Variants in ADAMTS18 observed in about 807,000 individuals in gnomAD.
The protein encoded by ADAMTS18 is ADAM metallopeptidase with thrombospondin type 1 motif 18.
ADAMTS18 carries 157 observed loss-of-function variants against 165.9 expected under a neutral mutation model. That is an observed-to-expected ratio of 0.95 (90% CI 0.83 to 1.08). The LOEUF is 1.08. ADAMTS18 is among the 50% of genes least tolerant of loss of function. The pLI, the probability that ADAMTS18 is intolerant of heterozygous loss-of-function variation, is 0.00. For missense variants in ADAMTS18, 2,040 were observed against 1,534.0 expected (o/e 1.33, Z -5.51); for synonymous variants, 782 against 578.2 (o/e 1.35, Z -5.06).
chr16:77,303,902 C>T (rs936331193), intron 16 of ADAMTS18, among the ~76,000 whole-genome samples: 2 of 152,144 alleles, frequency 1.3e-5, no homozygotes, highest in East Asian at 3.9e-4. Flanking sequence ...TGGTGGTGGG[C>T]ACCTGTAGTC....
At chr16:77,344,155 G>GTATATATATATATATATATATATA (rs150411045) in intron 10 of ADAMTS18, among the ~76,000 whole-genome samples, 3 of 140,260 alleles carry the variant, frequency 2.1e-5, no homozygotes, top group Non-Finnish European at 4.6e-5. Context: ...ATGTGTGTGT[G>GTATATATATATATATATATATATA]TATATATATA....
At chr16:77,326,355 A>G (rs1167090299) in intron 12 of ADAMTS18, among the ~76,000 whole-genome samples, 1 of 152,146 alleles carries the variant, frequency 6.6e-6, no homozygotes, top group African/African-American at 2.4e-5. Flanking sequence ...TCATTTCCTT[A>G]AACACTGATG....
intron 15 of ADAMTS18, 36 bp from the exon 16 acceptor site, chr16:77,320,129 C>G: frequency 6.2e-7 from 1 of 1,613,336 alleles, no homozygotes; most frequent in Non-Finnish European, 8.5e-7. Flanking sequence ...TGAATTCCAC[C>G]CCATGCATTG....
At chr16:77,347,057 T>C (rs891686017) in intron 10 of ADAMTS18, among the ~76,000 whole-genome samples, 7 of 152,210 alleles carry the variant, frequency 4.6e-5, no homozygotes. Flanking sequence ...AATGGAACCA[T>C]ACAGAATGTA....
intron 14 of ADAMTS18, among the ~76,000 whole-genome samples, chr16:77,322,013 G>A (rs2056007953): frequency 6.6e-6 from 1 of 152,014 alleles, no homozygotes; most frequent in Admixed American, 6.6e-5. Context: ...AAATTAGCCA[G>A]GTGTGGTGGC....
intron 3 of ADAMTS18, among the ~76,000 whole-genome samples, chr16:77,383,821 C>T (rs558461755): frequency 6.6e-6 from 1 of 152,138 alleles, no homozygotes; most frequent in Middle Eastern, 3.4e-3. Flanking sequence ...GATTATAGAC[C>T]GGAGCCACCG....
rs565067008 is a variant in ADAMTS18, at chr16:77,316,686, T to C, written c.2532+3163A>G. 7.6e-4 allele frequency among the ~76,000 whole-genome samples: 115 copies of C among 152,242 alleles called. 3 individuals are homozygous for C. In the South Asian group the frequency reaches 0.024, roughly 31 times the overall value. On this transcript the variant is annotated intron_variant, in intron 16 of 22. Coordinates refer to ENST00000282849, the MANE Select transcript of ADAMTS18 (RefSeq NM_199355.4). Reference sequence around the variant, plus strand: ...CTCCACATCAGGTTTTATTTATTTATTTGGAGAGAGTCTCACTCTGCCACC... The same window carrying C: ...CTCCACATCAGGTTTTATTTATTTACTTGGAGAGAGTCTCACTCTGCCACC...
intron 11 of ADAMTS18, among the ~76,000 whole-genome samples, chr16:77,339,290 C>T (rs6564430): frequency 0.42 from 63,945 of 151,888 alleles, 14,109 homozygotes; most frequent in East Asian, 0.61. Flanking sequence ...TATTAAGATG[C>T]TTTCTGTTGA....
intron 3 of ADAMTS18, chr16:77,379,051 A>G (rs896494742): frequency 1.1e-5 from 1 of 87,880 alleles, no homozygotes; most frequent in African/African-American, 4.1e-5. Flanking sequence ...GAGAAACCAT[A>G]AATTTTTCTA....
At position 77,367,565 on chromosome 16, in the gene ADAMTS18, G is replaced by A. The variant is rs113746494; in HGVS notation, c.654C>T (p.Pro218=). 49 of 1,614,082 alleles carry A rather than the reference G, an allele frequency of 3.0e-5. No homozygotes were observed. The highest frequency in any genetic ancestry group is 6.7e-5 in the African/African-American group (5 of 74,936). ...EEKIQRYRGY[P]GSGRNYPGYS... ...AACCAGGATAATTCCGGCCAGAGCC[G>A]GGGTAGCCACGGTACCGCTGGATCT... Residue 218 remains proline, a synonymous_variant, in exon 4 of 23, where the codon CCC becomes CCT. Coordinates refer to ENST00000282849, the MANE Select transcript of ADAMTS18 (RefSeq NM_199355.4).
chr16:77,314,528 C>T (rs1274267323), intron 16 of ADAMTS18, among the ~76,000 whole-genome samples: 1 of 150,256 alleles, frequency 6.7e-6, no homozygotes, highest in Non-Finnish European at 1.5e-5. Context: ...AGAAGAATCG[C>T]TTGGACCCAG....
chr16:77,294,136 C>T (rs568176785), intron 19 of ADAMTS18, among the ~76,000 whole-genome samples: 3 of 152,154 alleles, frequency 2.0e-5, no homozygotes, highest in East Asian at 3.9e-4. Context: ...AAACTCTTGC[C>T]GTTTTTTCAT....
intron 11 of ADAMTS18, among the ~76,000 whole-genome samples, chr16:77,338,102 C>A (rs1446880366): frequency 6.6e-6 from 1 of 152,098 alleles, no homozygotes; most frequent in East Asian, 1.9e-4. Flanking sequence ...CAGGGTTTCA[C>A]CACGTTGGCC....
At chr16:77,398,774 G>A (rs1287738743) in intron 3 of ADAMTS18, among the ~76,000 whole-genome samples, 1 of 152,068 alleles carries the variant, frequency 6.6e-6, no homozygotes, top group Non-Finnish European at 1.5e-5. Flanking sequence ...ACCCCCTGGG[G>A]TACAAAATTC....
In ADAMTS18 at chr16:77,425,194, A is replaced by C. The variant is rs908870231; in HGVS notation, c.495+6101T>G. Among the ~76,000 whole-genome samples the C allele has an allele frequency of 4.6e-5, 7 of 152,324 alleles. 2 individuals are homozygous for C. The highest frequency in any genetic ancestry group is 4.6e-4 in the Admixed American group (7 of 15,300). On this transcript the variant is annotated intron_variant, in intron 3 of 22. Coordinates refer to ENST00000282849, the MANE Select transcript of ADAMTS18 (RefSeq NM_199355.4). ...AAAAAAGGCCACCAGTAAAACAAAG[A>C]TACAATGGGGACATTAGTGCAGCCA...
intron 3 of ADAMTS18, among the ~76,000 whole-genome samples, chr16:77,385,995 T>C (rs558789467): frequency 6.6e-6 from 1 of 152,352 alleles, no homozygotes; most frequent in East Asian, 1.9e-4. Context: ...AAGTGATTAG[T>C]AGCAGAACAT....
intron 12 of ADAMTS18, among the ~76,000 whole-genome samples, chr16:77,327,042 G>C (rs2056107098): frequency 6.6e-6 from 1 of 152,172 alleles, no homozygotes; most frequent in Non-Finnish European, 1.5e-5. Flanking sequence ...CTTTTGTTTT[G>C]GCTGCATAGT....
chr16:77,366,761 C>T (rs994254888), intron 4 of ADAMTS18, among the ~76,000 whole-genome samples: 36 of 152,252 alleles, frequency 2.4e-4, no homozygotes, highest in African/African-American at 8.2e-4. Flanking sequence ...AAAATAAACG[C>T]TGGATTTCCA....
chr16:77,341,618 T>A, intron 11 of ADAMTS18, 86 bp downstream of exon 11: 2 of 1,065,046 alleles, frequency 1.9e-6, no homozygotes, highest in Non-Finnish European at 2.9e-6. Flanking sequence ...TACCAAAGCA[T>A]TCACCCTAAG....
Sources: allele counts gnomAD v4.1 joint callset (sites outside exome capture counted in the v4.1 genomes callset), GRCh38; gene constraint gnomAD v4.1.1; transcripts MANE v1.5; gene names NCBI Gene and HGNC (gene_info 2026-07-23, HGNC 2026-07-21).